Variants in BFSP2 observed in about 807,000 individuals in gnomAD.
BFSP2 encodes the protein beaded filament structural protein 2, also known as phakinin.
Under a neutral mutation model 44.9 loss-of-function variants are expected in BFSP2, and 38 were observed. The ratio of observed to expected loss-of-function variants is 0.85; its 90% CI spans 0.65 to 1.11. The LOEUF is 1.11. Among genes scored for constraint, BFSP2 ranks in the 50% least tolerant of loss-of-function variants. The pLI is 0.00. For synonymous variants in BFSP2, 197 were observed against 209.9 expected, an observed-to-expected ratio of 0.94 and a Z score of 0.53; for missense variants, 525 against 533.0, an observed-to-expected ratio of 0.99 and a Z score of 0.15.
chr3:133,410,410 G>A, intron 1 of BFSP2: 1 of 302,670 alleles, frequency 3.3e-6, no homozygotes, highest in Admixed American at 3.9e-5. Flanking sequence ...TGTCAGCATG[G>A]ATCACAGCAC....
At chr3:133,406,468 G>T (rs2073406089) in intron 1 of BFSP2, among the ~76,000 whole-genome samples, 6 of 152,192 alleles carry the variant, frequency 3.9e-5, no homozygotes. Context: ...AAGACAGGGG[G>T]TGGGGTCAGT....
rs113505704 is a variant in BFSP2, at chr3:133,467,063, C to T, written c.1023+104C>T. On this transcript the variant is annotated intron_variant, in intron 5 of 6. Coordinates refer to ENST00000302334, the MANE Select transcript of BFSP2 (RefSeq NM_003571.4). ...TAGTTTCCAGGGGATTCCCATCTCA[C>T]AGCATATGAGTTTTGAGGCCTGAAA... is the stretch of plus-strand genomic sequence containing the variant. 685 of 1,492,398 alleles carry T rather than the reference C, an allele frequency of 4.6e-4. 3 individuals carry two copies. In the African/African-American group the frequency reaches 8.1e-3, roughly 18 times the overall value. 92.4% of individuals were successfully genotyped at this position (1,492,398 alleles called of 1,614,324 possible).
intron 6 of BFSP2, among the ~76,000 whole-genome samples, chr3:133,472,976 T>C (rs1009333533): frequency 1.4e-4 from 21 of 150,134 alleles, no homozygotes; most frequent in African/African-American, 4.9e-4. Flanking sequence ...GGATACAGGG[T>C]CTCGTCTCGG....
In BFSP2 at chr3:133,420,781, T is replaced by A. The variant is rs550964568; in HGVS notation, c.489+20209T>A. ...TAATTGTTTGGGCTGTGCTGTGACT[T>A]TAGGAGCAGGGCCCACTCTGTGCCT... On this transcript the variant is annotated intron_variant, in intron 1 of 6. Transcript: ENST00000302334. Among the ~76,000 whole-genome samples the A allele has an allele frequency of 2.0e-5, 3 of 152,254 alleles. 1 individual carries two copies. Among genetic ancestry groups the A allele is most frequent in the African/African-American group, 7.2e-5 (3 of 41,540 alleles).
chr3:133,411,476 G>A (rs1443795273), intron 1 of BFSP2, among the ~76,000 whole-genome samples: 3 of 152,086 alleles, frequency 2.0e-5, no homozygotes, highest in Non-Finnish European at 4.4e-5. Context: ...AATGCGACCA[G>A]CAGCCGTTCT....
intron 1 of BFSP2, among the ~76,000 whole-genome samples, chr3:133,407,824 T>A (rs1225566903): frequency 6.6e-6 from 1 of 151,970 alleles, no homozygotes; most frequent in Non-Finnish European, 1.5e-5. Context: ...AACTAGATAG[T>A]CATAAGGAAA....
chr3:133,458,294 G>A (rs890429418), intron 4 of BFSP2, among the ~76,000 whole-genome samples: 4 of 152,226 alleles, frequency 2.6e-5, no homozygotes, highest in African/African-American at 9.6e-5. Flanking sequence ...GCTGCAAAGA[G>A]AATAGGGAAA....
At chr3:133,410,290 C>T in intron 1 of BFSP2, 1 of 386,074 alleles carries the variant, frequency 2.6e-6, no homozygotes. Context: ...ACAGAGTGGA[C>T]ATAGTAGCCA....
chr3:133,471,779 A>G (rs1218546888), intron 5 of BFSP2, among the ~76,000 whole-genome samples: 1 of 152,136 alleles, frequency 6.6e-6, no homozygotes, highest in African/African-American at 2.4e-5. Context: ...AAAATGTGCT[A>G]CTAAAACACC....
intron 4 of BFSP2, among the ~76,000 whole-genome samples, chr3:133,459,017 A>G (rs572058240): frequency 6.0e-4 from 92 of 152,252 alleles, no homozygotes; most frequent in African/African-American, 2.2e-3. Context: ...CATACCTTAG[A>G]TATTTTTTAA....
chr3:133,472,466 A>T lies in BFSP2; in HGVS notation c.1145A>T (p.Glu382Val), dbSNP rs750733430. The change falls in exon 6 of 7, where the codon GAG becomes GTG. Residue 382 changes from glutamate (E) to valine (V), a missense_variant. Coordinates refer to ENST00000302334, the MANE Select transcript of BFSP2 (RefSeq NM_003571.4). The part of the protein sequence containing the change: ...AELREIRAEA[E>V]QQQQERAHLL... ...CTCAGGGAAATCCGAGCGGAGGCGG[A>T]GCAGCAGCAACAGGAGCGCGCGCAT... The T allele has an allele frequency of 6.2e-7, 1 of 1,613,982 alleles. No homozygotes were observed. The highest frequency in any genetic ancestry group is 1.1e-5 in the South Asian group (1 of 91,072).
rs1408490695 is a variant in BFSP2, at chr3:133,448,596, T to C, written c.680T>C (p.Ile227Thr). The change falls in exon 3 of 7, where the codon ATA becomes ACA. Residue 227 changes from isoleucine (I) to threonine (T), a missense_variant. Coordinates refer to ENST00000302334, the MANE Select transcript of BFSP2 (RefSeq NM_003571.4). Reference protein sequence around the residue: ...NLTKMDLESQIESLKEELGSL... With the variant: ...NLTKMDLESQTESLKEELGSL... ...ACTAAAATGGACCTGGAGAGTCAAA[T>C]AGAAAGTCTGAAAGAAGAACTTGGC... 1.9e-6 allele frequency: 3 copies of C among 1,613,978 alleles called. No individual in the cohort carries two copies. The highest frequency in any genetic ancestry group is 2.5e-6 in the Non-Finnish European group (3 of 1,179,992).
At chr3:133,430,071 C>A (rs2073696750) in intron 1 of BFSP2, among the ~76,000 whole-genome samples, 1 of 151,556 alleles carries the variant, frequency 6.6e-6, no homozygotes, top group African/African-American at 2.4e-5. Context: ...CATGTCCCTA[C>A]AAAGGACATG....
In BFSP2 at chr3:133,424,222, T is replaced by TG. The variant is rs1553778829; in HGVS notation, c.490-23095_490-23094insG. Among the ~76,000 whole-genome samples the TG allele has an allele frequency of 6.4e-4, 70 of 108,934 alleles. 1 individual carries two copies. Among genetic ancestry groups the TG allele is most frequent in the Middle Eastern group, 4.2e-3 (1 of 240 alleles). The allele number at this position is 108,934 out of a possible 152,430, so 71.5% of individuals were successfully genotyped here. A position where few individuals can be genotyped will look rare whatever the true frequency, so the allele number is the denominator to read the frequency against. On this transcript the variant is annotated intron_variant, in intron 1 of 6. Coordinates refer to ENST00000302334, the MANE Select transcript of BFSP2 (RefSeq NM_003571.4). The stretch of plus-strand genomic sequence containing the variant: ...CACCGCGTCCAGCTAATTTTTTTTT[T>TG]TTTTTTTTTTTTTTTTTTTGTATTT...
chr3:133,422,678 G>C (rs2073603525), intron 1 of BFSP2, among the ~76,000 whole-genome samples: 1 of 152,076 alleles, frequency 6.6e-6, no homozygotes, highest in Non-Finnish European at 1.5e-5. Context: ...AGTACATTTT[G>C]GGCACCTCCT....
chr3:133,451,546 G>A (rs2073966115), intron 4 of BFSP2, among the ~76,000 whole-genome samples: 1 of 152,218 alleles, frequency 6.6e-6, no homozygotes, highest in Non-Finnish European at 1.5e-5. Flanking sequence ...AATAAGCGGT[G>A]AGATGGATTT....
intron 1 of BFSP2, among the ~76,000 whole-genome samples, chr3:133,431,483 G>T (rs1576574361): frequency 6.6e-6 from 1 of 152,200 alleles, no homozygotes; most frequent in East Asian, 1.9e-4. Context: ...CATCTGTGCG[G>T]GACCCCACTG....
Position 133,425,786 on chromosome 3 carries a change from AAGGG to A in BFSP2, c.490-21529_490-21526del, listed in dbSNP as rs1160281585. 2.7e-3 allele frequency among the ~76,000 whole-genome samples: 27 copies of A among 9,958 alleles called. 1 individual carries two copies. Among genetic ancestry groups the A allele is most frequent in the African/African-American group, 0.011 (24 of 2,120 alleles). The allele number at this position is 9,958 out of a possible 152,430, so 6.5% of individuals were successfully genotyped here. A position where few individuals can be genotyped will look rare whatever the true frequency, so the allele number is the denominator to read the frequency against. On this transcript the variant is annotated intron_variant, in intron 1 of 6. Coordinates refer to ENST00000302334, the MANE Select transcript of BFSP2 (RefSeq NM_003571.4). ...GGATGGGAAAGGGAAAGGGAAAGGGAAGGGAAGGGAAGGGAAGAAGGGAAGGGAA... is the reference window on the plus strand; with the variant it reads ...GGATGGGAAAGGGAAAGGGAAAGGGAAAGGGAAGGGAAGAAGGGAAGGGAA...
chr3:133,431,469 G>C (rs928819254), intron 1 of BFSP2, among the ~76,000 whole-genome samples: 2 of 152,118 alleles, frequency 1.3e-5, no homozygotes, highest in African/African-American at 4.8e-5. Context: ...CCTAAGCCGT[G>C]TCCCATCTGT....
Sources: allele counts gnomAD v4.1 joint callset (sites outside exome capture counted in the v4.1 genomes callset), GRCh38; gene constraint gnomAD v4.1.1; transcripts MANE v1.5; gene names NCBI Gene and HGNC (gene_info 2026-07-23, HGNC 2026-07-21).